The following PDE4D variants were observed in gnomAD, a reference collection of about 807,000 sequenced individuals.
The protein encoded by PDE4D is 3',5'-cyclic-AMP phosphodiesterase 4D.
A neutral mutation model predicts 87.4 loss-of-function variants in PDE4D; 24 were observed. That is an observed-to-expected ratio of 0.27 (90% confidence interval 0.20 to 0.39). The LOEUF is 0.39. Ranked by LOEUF, PDE4D falls within the 10% of genes least tolerant of loss-of-function variation. PDE4D has a pLI of 1.00. For synonymous variants in PDE4D, 384 were observed against 383.2 expected (o/e 1.00, Z -0.02); for missense variants, 714 against 1,041.0 (o/e 0.69, Z 4.32).
chr5:59,608,957 T>C lies in PDE4D; in HGVS notation c.455+284211A>G, dbSNP rs529826611. The stretch of plus-strand genomic sequence containing the variant: ...AGCTATAATACTGTGGTTAGCCCTA[T>C]AGAGAGGCCCACATGGCAAGGAGTT... On this transcript the variant is annotated intron_variant, in intron 1 of 14. Transcript: ENST00000340635. 1.1e-3 allele frequency among the ~76,000 whole-genome samples: 166 copies of C among 152,220 alleles called. 2 individuals carry two copies. Among genetic ancestry groups the C allele is most frequent in the Non-Finnish European group, 1.2e-3 (79 of 68,012 alleles).
At chr5:59,574,081 TATTTATATATATAAATATATA>T (rs1822502905) in intron 1 of PDE4D, among the ~76,000 whole-genome samples, 1 of 6,912 alleles carries the variant, frequency 1.4e-4, no homozygotes, top group African/African-American at 3.1e-4. Context: ...TTTATATATA[TATTTATATATATAAATATATA>T]TTTATATATA....
chr5:59,797,782 T>G (rs1459074710), intron 1 of PDE4D, among the ~76,000 whole-genome samples: 1 of 152,170 alleles, frequency 6.6e-6, no homozygotes, highest in Non-Finnish European at 1.5e-5. Context: ...TATTGGAGCC[T>G]AGAAGAGTGC....
chr5:60,257,540 A>C (rs1749219667), intron 1 of PDE4D, among the ~76,000 whole-genome samples: 2 of 151,992 alleles, frequency 1.3e-5, no homozygotes, highest in Admixed American at 1.3e-4. Flanking sequence ...CTTATGATGT[A>C]TCTGAAGGCA....
At chr5:60,517,113 A>C (rs1230767461) in intron 1 of PDE4D, among the ~76,000 whole-genome samples, 1 of 152,206 alleles carries the variant, frequency 6.6e-6, no homozygotes, top group Non-Finnish European at 1.5e-5. Context: ...AGTTAAGTGC[A>C]AGCTGGGGCA....
intron 2 of PDE4D, among the ~76,000 whole-genome samples, chr5:60,030,492 G>A (rs1285712049): frequency 6.6e-6 from 1 of 152,128 alleles, no homozygotes; most frequent in East Asian, 1.9e-4. Context: ...AACAAGAGTT[G>A]GTTAATATCC....
At chr5:59,834,390 A>C (rs916352352) in intron 1 of PDE4D, among the ~76,000 whole-genome samples, 1 of 152,100 alleles carries the variant, frequency 6.6e-6, no homozygotes, top group African/African-American at 2.4e-5. Context: ...ACATCTTTAC[A>C]TACATAAAAT....
intron 1 of PDE4D, among the ~76,000 whole-genome samples, chr5:59,435,352 T>A (rs893088390): frequency 2.6e-5 from 4 of 152,188 alleles, no homozygotes; most frequent in Non-Finnish European, 5.9e-5. Context: ...TCTATTGTTT[T>A]GCTCTCCCTT....
At chr5:60,255,898 C>T (rs973507443) in intron 1 of PDE4D, among the ~76,000 whole-genome samples, 1 of 151,852 alleles carries the variant, frequency 6.6e-6, no homozygotes, top group Non-Finnish European at 1.5e-5. Context: ...ATTCCTCAAA[C>T]ATTGTGTCTG....
intron 1 of PDE4D, among the ~76,000 whole-genome samples, chr5:59,434,804 A>G (rs943019628): frequency 2.6e-5 from 4 of 152,172 alleles, no homozygotes; most frequent in Admixed American, 1.3e-4. Flanking sequence ...TAATCAGGTC[A>G]CAAACCCTAG....
chr5:58,988,001 C>A (rs1171772922), intron 11 of PDE4D, among the ~76,000 whole-genome samples: 3 of 152,108 alleles, frequency 2.0e-5, no homozygotes, highest in South Asian at 2.1e-4. Context: ...TGAGAAAAAA[C>A]CAAATGGTTG....
intron 2 of PDE4D, among the ~76,000 whole-genome samples, chr5:60,107,987 T>C (rs955430982): frequency 2.0e-5 from 3 of 152,074 alleles, no homozygotes; most frequent in Non-Finnish European, 2.9e-5. Flanking sequence ...CTAGTCAACA[T>C]AGTGTTGGAA....
intron 2 of PDE4D, among the ~76,000 whole-genome samples, chr5:60,022,322 A>G (rs1003244362): frequency 2.6e-5 from 4 of 152,182 alleles, no homozygotes; most frequent in African/African-American, 9.6e-5. Flanking sequence ...TCGAATAACA[A>G]TAAAGTCACC....
At chr5:59,141,484 T>C (rs992338968) in intron 5 of PDE4D, among the ~76,000 whole-genome samples, 2 of 152,194 alleles carry the variant, frequency 1.3e-5, no homozygotes, top group South Asian at 2.1e-4. Context: ...TCTGAGGAAG[T>C]TGGTGAAAGG....
intron 3 of PDE4D, among the ~76,000 whole-genome samples, chr5:59,915,881 A>G (rs1253664930): frequency 1.3e-5 from 2 of 152,222 alleles, no homozygotes; most frequent in Admixed American, 1.3e-4. Flanking sequence ...TCTCTTGTAC[A>G]TAATCCTTTG....
In PDE4D at chr5:59,185,189, T is replaced by G. The variant is rs1561654257; in HGVS notation, c.758A>C (p.Lys253Thr). 1 of 1,611,356 alleles carries G rather than the reference T, an allele frequency of 6.2e-7. No individual in the cohort carries two copies. Residue 253 changes from lysine to threonine, a missense_variant and splice_region_variant, in exon 4 of 15, where the codon AAA (lysine) becomes ACA (threonine). Around this residue, in one of 7 missense-constraint regions of PDE4D, gnomAD observed 90 missense variants for 177.6 expected, o/e 0.51. Transcript: ENST00000340635. ...GAGGGGGGAAAAAAGGATATCTTACTTGCTAGGTGCTCGATCTTGCAAATT... is the reference window on the plus strand; with the variant it reads ...GAGGGGGGAAAAAAGGATATCTTACGTGCTAGGTGCTCGATCTTGCAAATT... ...LTNLQDRAPS[K>T]RSPMCNQPSI... is the part of the protein sequence containing the mutation.
intron 1 of PDE4D, among the ~76,000 whole-genome samples, chr5:60,255,254 T>G (rs1395026346): frequency 4.6e-5 from 7 of 151,898 alleles, no homozygotes; most frequent in African/African-American, 1.7e-4. Flanking sequence ...GACATCACTA[T>G]GTGGGAGACT....
At chr5:60,412,444 G>A (rs2150068717) in intron 1 of PDE4D, among the ~76,000 whole-genome samples, 1 of 152,274 alleles carries the variant, frequency 6.6e-6, no homozygotes, top group South Asian at 2.1e-4. Flanking sequence ...ATTTAGTGTA[G>A]TATTCTACCA....
At chr5:60,165,812 G>C (rs1782839700) in intron 2 of PDE4D, among the ~76,000 whole-genome samples, 1 of 151,014 alleles carries the variant, frequency 6.6e-6, no homozygotes, top group African/African-American at 2.4e-5. Flanking sequence ...GAATATGATT[G>C]GGTCTTTTTT....
At chr5:59,204,636 A>C (rs548623639) in intron 2 of PDE4D, among the ~76,000 whole-genome samples, 6 of 152,218 alleles carry the variant, frequency 3.9e-5, no homozygotes, top group Non-Finnish European at 7.3e-5. Flanking sequence ...TACAAAGCTG[A>C]GAGTCTGACT....
Sources: gnomAD v4.1 joint callset for allele counts (sites outside exome capture counted in the v4.1 genomes callset) on GRCh38, gnomAD v4.1.1 for gene constraint, gnomAD v4.1.1 regional missense constraint, MANE v1.5 for transcripts, NCBI Gene and HGNC (gene_info 2026-07-23, HGNC 2026-07-21) for gene names.